Variants in SMCO2 observed in about 807,000 individuals in gnomAD.
SMCO2 encodes the protein single-pass membrane protein with coiled-coil domains 2, also known as single-pass membrane and coiled-coil domain-containing protein 2.
SMCO2 carries 25 observed loss-of-function variants against 29.5 expected under a neutral mutation model. The ratio of observed to expected loss-of-function variants is 0.85; its 90% CI spans 0.62 to 1.18. SMCO2 has a LOEUF of 1.18. SMCO2 is among the 50% of genes most tolerant of loss of function. SMCO2 has a pLI of 0.00. For missense variants in SMCO2, 348 were observed against 344.5 expected (o/e 1.01, Z -0.08); for synonymous variants, 117 against 123.3 (o/e 0.95, Z 0.34).
the SMCO2 span, among the ~76,000 whole-genome samples, chr12:27,435,574 GTC>G: frequency 7.8e-6 from 1 of 127,596 alleles, no homozygotes; most frequent in Admixed American, 8.4e-5. Context: ...TCTCCTCTCT[GTC>G]TCTGTCTCTC....
At chr12:27,429,434 G>A in the SMCO2 span, among the ~76,000 whole-genome samples, 3 of 149,796 alleles carry the variant, frequency 2.0e-5, no homozygotes, top group African/African-American at 4.9e-5. Flanking sequence ...AAAGTAATGC[G>A]TATATTGGTT....
chr12:27,474,753 G>A, intron 3 of SMCO2, 33 bp from the exon 4 acceptor site: 3 of 1,550,568 alleles, frequency 1.9e-6, no homozygotes, highest in Non-Finnish European at 2.6e-6. Flanking sequence ...CTAACCTTTT[G>A]TTCTGCTTTG....
chr12:27,452,966 T>C, the SMCO2 span, among the ~76,000 whole-genome samples: 3 of 152,152 alleles, frequency 2.0e-5, no homozygotes, highest in Non-Finnish European at 4.4e-5. Flanking sequence ...AAATGTCCCA[T>C]GAAGTCTATG....
At chr12:27,470,183 G>A (rs996961207) in intron 1 of SMCO2, among the ~76,000 whole-genome samples, 2 of 152,090 alleles carry the variant, frequency 1.3e-5, no homozygotes, top group African/African-American at 4.8e-5. Context: ...ATTAACAGTG[G>A]TTAAGTCTGG....
the SMCO2 span, among the ~76,000 whole-genome samples, chr12:27,442,230 T>A: frequency 6.6e-6 from 1 of 151,586 alleles, no homozygotes. Context: ...TAAATGAAAT[T>A]GAGACAAAAA....
chr12:27,459,576 A>G, the SMCO2 span, among the ~76,000 whole-genome samples: 1 of 152,194 alleles, frequency 6.6e-6, no homozygotes, highest in Non-Finnish European at 1.5e-5. Flanking sequence ...GTGACACACA[A>G]TTTACCTATA....
intron 3 of SMCO2, among the ~76,000 whole-genome samples, chr12:27,473,508 A>G (rs1949558912): frequency 6.6e-6 from 1 of 152,182 alleles, no homozygotes; most frequent in Admixed American, 6.5e-5. Context: ...CTTTTTCCAA[A>G]TAAGATAATA....
intron 3 of SMCO2, 98 bp downstream of exon 3, chr12:27,472,973 C>A: frequency 2.3e-6 from 2 of 883,596 alleles, no homozygotes; most frequent in Non-Finnish European, 3.5e-6. Context: ...AAGAAAATAT[C>A]TGAGGGTTTT....
chr12:27,487,396 TTG>T (rs1949697660), intron 4 of SMCO2, among the ~76,000 whole-genome samples: 1 of 152,210 alleles, frequency 6.6e-6, no homozygotes, highest in African/African-American at 2.4e-5. Context: ...TTCGCATGTA[TTG>T]ATCTTTCCTT....
the SMCO2 span, among the ~76,000 whole-genome samples, chr12:27,444,489 G>C: frequency 6.6e-6 from 1 of 152,122 alleles, no homozygotes; most frequent in African/African-American, 2.4e-5. Context: ...AGCAAAAATA[G>C]ACAATTGGGA....
At chr12:27,465,961 CATGGGTGCCGAGTTCACCAAGAATA>C (rs1297947508), upstream of SMCO2, among the ~76,000 whole-genome samples, 2 of 152,138 alleles carry the variant, frequency 1.3e-5, no homozygotes, top group Non-Finnish European at 2.9e-5. Flanking sequence ...AGGCCCTTTC[CATGGGTGCCGAGTTCACCAAGAATA>C]ATGGGAGAGG....
At chr12:27,487,144 T>C (rs562855146) in intron 4 of SMCO2, among the ~76,000 whole-genome samples, 1 of 152,330 alleles carries the variant, frequency 6.6e-6, no homozygotes, top group South Asian at 2.1e-4. Flanking sequence ...ATGAGATGTT[T>C]AGCCTTGCAT....
At chr12:27,426,099 T>C in the SMCO2 span, among the ~76,000 whole-genome samples, 1 of 152,134 alleles carries the variant, frequency 6.6e-6, no homozygotes, top group East Asian at 1.9e-4. Context: ...CCCATGGGGA[T>C]CTTCCAACAC....
the SMCO2 span, among the ~76,000 whole-genome samples, chr12:27,449,170 C>T: frequency 6.6e-6 from 1 of 152,174 alleles, no homozygotes; most frequent in Non-Finnish European, 1.5e-5. Flanking sequence ...CACCCCTGCA[C>T]CCGCTTCCGT....
At chr12:27,478,624 T>A (rs1949611932) in intron 4 of SMCO2, among the ~76,000 whole-genome samples, 1 of 151,918 alleles carries the variant, frequency 6.6e-6, no homozygotes, top group Admixed American at 6.6e-5. Flanking sequence ...GCGGCAGCTG[T>A]AGGCTGGGCA....
At chr12:27,487,874 A>G (rs1167429814) in intron 4 of SMCO2, among the ~76,000 whole-genome samples, 1 of 149,926 alleles carries the variant, frequency 6.7e-6, no homozygotes, top group African/African-American at 2.5e-5. Context: ...TTTGCTATCT[A>G]TATAGCCTCT....
chr12:27,501,439 AAACAAACAAAAC>A (rs2135585879), intron 7 of SMCO2, among the ~76,000 whole-genome samples: 1 of 135,334 alleles, frequency 7.4e-6, no homozygotes, highest in African/African-American at 2.8e-5. Context: ...AAAAAAAAAC[AAACAAACAAAAC>A]AAAACAAAAA....
At chr12:27,448,866 C>G in the SMCO2 span, among the ~76,000 whole-genome samples, 3 of 151,932 alleles carry the variant, frequency 2.0e-5, no homozygotes, top group Non-Finnish European at 4.4e-5. Context: ...CTCCCGCTCC[C>G]ACACATAGTC....
chr12:27,461,708 G>T, the SMCO2 span, among the ~76,000 whole-genome samples: 1 of 152,158 alleles, frequency 6.6e-6, no homozygotes, highest in Non-Finnish European at 1.5e-5. Context: ...CATACAATAC[G>T]ATTTGTCAGA....
Sources: allele counts gnomAD v4.1 joint callset (sites outside exome capture counted in the v4.1 genomes callset), GRCh38; gene constraint gnomAD v4.1.1; transcripts MANE v1.5; gene names NCBI Gene and HGNC (gene_info 2026-07-23, HGNC 2026-07-21).